Variants in INPP4B observed in about 807,000 individuals in gnomAD.
INPP4B encodes the protein inositol polyphosphate 4-phosphatase type II.
Under a neutral mutation model 122.5 loss-of-function variants are expected in INPP4B, and 55 were observed. That is an observed-to-expected ratio of 0.45 (90% CI 0.36 to 0.56). The LOEUF is 0.56. Ranked by LOEUF, INPP4B falls within the 20% of genes least tolerant of loss-of-function variation. The probability of loss-of-function intolerance (pLI) is 0.00; values close to 1 mark genes in which losing one functional copy is unlikely to be tolerated. For missense variants in INPP4B, 1,000 were observed against 1,097.7 expected (o/e 0.91, Z 1.26); for synonymous variants, 403 against 388.7 (o/e 1.04, Z -0.43).
At chr4:142,605,468 C>A (rs1443397900) in intron 2 of INPP4B, among the ~76,000 whole-genome samples, 2 of 151,844 alleles carry the variant, frequency 1.3e-5, no homozygotes, top group Non-Finnish European at 2.9e-5. Context: ...GCAAAAGAAA[C>A]AATTGACACG....
At chr4:142,391,814 A>C (rs1561995778) in intron 7 of INPP4B, among the ~76,000 whole-genome samples, 1 of 152,190 alleles carries the variant, frequency 6.6e-6, no homozygotes, top group Non-Finnish European at 1.5e-5. Flanking sequence ...TATTCCTGAG[A>C]AAACAATCAA....
At chr4:142,373,670 G>A (rs1790754160) in intron 7 of INPP4B, among the ~76,000 whole-genome samples, 1 of 151,932 alleles carries the variant, frequency 6.6e-6, no homozygotes, top group Non-Finnish European at 1.5e-5. Flanking sequence ...AGAGAAATGT[G>A]TCTGATACAG....
chr4:142,263,047 T>C (rs963282174), intron 10 of INPP4B, among the ~76,000 whole-genome samples: 1 of 152,202 alleles, frequency 6.6e-6, no homozygotes, highest in Non-Finnish European at 1.5e-5. Flanking sequence ...CTACGCTGCA[T>C]TCCAATACAA....
In INPP4B at chr4:142,183,817, T is replaced by C. The variant is rs1258490980; in HGVS notation, c.1181+9270A>G. ...TCAAATCATATTATCTTTATATATT[T>C]AGTTTTAAAAATAAACAGACAAAAT... On this transcript the variant is annotated intron_variant, in intron 15 of 25. Transcript: ENST00000262992. Among the ~76,000 whole-genome samples the C allele has an allele frequency of 3.9e-5, 6 of 152,328 alleles. No homozygotes were observed. The East Asian group carries it at 1.2e-3, about 29-fold the overall frequency.
At chr4:142,032,012 TGAGACA>T (rs1039593552) in intron 25 of INPP4B, among the ~76,000 whole-genome samples, 23 of 152,138 alleles carry the variant, frequency 1.5e-4, no homozygotes, top group African/African-American at 5.6e-4. Context: ...CATATGTGTG[TGAGACA>T]GAGACAGAGA....
intron 2 of INPP4B, among the ~76,000 whole-genome samples, chr4:142,480,112 C>A (rs978555069): frequency 6.6e-6 from 1 of 152,058 alleles, no homozygotes; most frequent in Non-Finnish European, 1.5e-5. Flanking sequence ...CTACATGTGC[C>A]AAATATAGAA....
intron 10 of INPP4B, among the ~76,000 whole-genome samples, chr4:142,265,658 T>C (rs912495751): frequency 6.6e-6 from 1 of 152,066 alleles, no homozygotes; most frequent in Non-Finnish European, 1.5e-5. Flanking sequence ...TTATCAAAAA[T>C]TTGCAAAAAA....
At chr4:142,232,020 G>A (rs1393386046) in intron 12 of INPP4B, among the ~76,000 whole-genome samples, 2 of 152,062 alleles carry the variant, frequency 1.3e-5, no homozygotes, top group Non-Finnish European at 2.9e-5. Flanking sequence ...AAATATTGTC[G>A]ATGAGTGCTT....
At chr4:142,699,147 A>G (rs886195145) in intron 2 of INPP4B, among the ~76,000 whole-genome samples, 3 of 152,184 alleles carry the variant, frequency 2.0e-5, no homozygotes, top group South Asian at 4.1e-4. Context: ...CTTCTTGCTT[A>G]TACTATCACA....
chr4:142,124,906 A>G (rs1798054263), intron 18 of INPP4B, 146 bp from the exon 19 acceptor site: 1 of 646,262 alleles, frequency 1.5e-6, no homozygotes, highest in Non-Finnish European at 2.4e-6. Flanking sequence ...GAAGATCTCT[A>G]ATTTAAATCT....
intron 12 of INPP4B, among the ~76,000 whole-genome samples, chr4:142,233,954 C>T (rs1441677476): frequency 6.6e-6 from 1 of 151,990 alleles, no homozygotes; most frequent in Non-Finnish European, 1.5e-5. Context: ...CAGCTTCGTC[C>T]ATAAAAAATT....
At chr4:142,404,911 C>A (rs1394775626) in intron 6 of INPP4B, among the ~76,000 whole-genome samples, 2 of 148,404 alleles carry the variant, frequency 1.3e-5, no homozygotes, top group Non-Finnish European at 3.0e-5. Context: ...TTTTTTCTAT[C>A]TTTGGGAGAA....
At chr4:142,299,615 C>T (rs1445303630) in intron 9 of INPP4B, among the ~76,000 whole-genome samples, 1 of 151,346 alleles carries the variant, frequency 6.6e-6, no homozygotes, top group Non-Finnish European at 1.5e-5. Context: ...TCCATCCATG[C>T]TTTCAACGAA....
chr4:142,439,370 AC>A (rs759143219), intron 3 of INPP4B, among the ~76,000 whole-genome samples: 6 of 151,866 alleles, frequency 4.0e-5, no homozygotes, highest in Non-Finnish European at 8.8e-5. Context: ...CTGCTCTCTC[AC>A]CTTTATCCTT....
intron 10 of INPP4B, among the ~76,000 whole-genome samples, chr4:142,269,597 A>G (rs1294173232): frequency 6.6e-6 from 1 of 152,158 alleles, no homozygotes; most frequent in Non-Finnish European, 1.5e-5. Context: ...GTGCTCATCA[A>G]AGGGTACAAG....
At chr4:142,347,975 G>T (rs1035584505) in intron 7 of INPP4B, among the ~76,000 whole-genome samples, 2 of 152,082 alleles carry the variant, frequency 1.3e-5, no homozygotes, top group African/African-American at 4.8e-5. Flanking sequence ...GATAGAACAT[G>T]TAAATGTGAT....
At chr4:142,110,386 A>G (rs1216384954) in intron 22 of INPP4B, among the ~76,000 whole-genome samples, 1 of 152,130 alleles carries the variant, frequency 6.6e-6, no homozygotes, top group Non-Finnish European at 1.5e-5. Flanking sequence ...AGTCTACAGT[A>G]TTTTGTTACA....
intron 1 of INPP4B, chr4:142,767,707 G>A (rs1304900605): frequency 1.3e-5 from 2 of 152,158 alleles, no homozygotes; most frequent in African/African-American, 4.8e-5. Context: ...GCTACAATAG[G>A]AGTAAATTAC....
chr4:142,585,846 T>TTTATTATTATTATTATTA (rs59890158), intron 2 of INPP4B, among the ~76,000 whole-genome samples: 5 of 144,608 alleles, frequency 3.5e-5, no homozygotes, highest in East Asian at 2.1e-4. Flanking sequence ...CACTAAACAC[T>TTTATTATTATTATTATTA]TTATTATTAT....
Sources: gnomAD v4.1 joint callset for allele counts (sites outside exome capture counted in the v4.1 genomes callset) on GRCh38, gnomAD v4.1.1 for gene constraint, MANE v1.5 for transcripts, NCBI Gene and HGNC (gene_info 2026-07-23, HGNC 2026-07-21) for gene names.